LRRC27: variants seen among roughly 807,000 people sequenced by gnomAD.
LRRC27 encodes leucine-rich repeat-containing protein 27.
A neutral mutation model predicts 55.0 loss-of-function variants in LRRC27; 57 were observed. The ratio of observed to expected loss-of-function variants is 1.04; its 90% CI spans 0.84 to 1.29. The LOEUF (loss-of-function observed/expected upper bound fraction) is 1.29. Among genes scored for constraint, LRRC27 ranks in the 50% most tolerant of loss-of-function variants. The pLI is 0.00. For synonymous variants in LRRC27, 278 were observed against 251.9 expected, an observed-to-expected ratio of 1.10 and a Z score of -0.98; for missense variants, 721 against 651.5, an observed-to-expected ratio of 1.11 and a Z score of -1.16.
rs1412842676 is a variant in LRRC27, at chr10:132,333,666, C to A, written c.142C>A (p.Pro48Thr). ...GVGGIIFSSS[P>T]ILDLSESGLC... Reference sequence around the variant, plus strand: ...TGGAGGCATCATCTTTTCCTCCTCACCGATTTTAGACTTGAGTGAAAGTGG... The same window carrying A: ...TGGAGGCATCATCTTTTCCTCCTCAACGATTTTAGACTTGAGTGAAAGTGG... The change falls in exon 2 of 11, where the codon CCG (proline) becomes ACG (threonine). Residue 48 changes from proline to threonine, a missense_variant. Physicochemically the swap from Pro to Thr is conservative, Grantham distance 38. Coordinates refer to ENST00000368614, the MANE Select transcript of LRRC27 (RefSeq NM_030626.3). The A allele has an allele frequency of 6.2e-7, 1 of 1,613,768 alleles. No homozygotes were observed. The highest frequency in any genetic ancestry group is 2.2e-5 in the East Asian group (1 of 44,886).
chr10:132,338,056 G>A (rs980060509), intron 3 of LRRC27, among the ~76,000 whole-genome samples: 5 of 152,108 alleles, frequency 3.3e-5, no homozygotes, highest in Admixed American at 1.3e-4. Flanking sequence ...TGGCTCACGC[G>A]TGTAATCCCA....
chr10:132,362,133 A>G (rs1038834753), intron 9 of LRRC27, among the ~76,000 whole-genome samples: 1 of 152,212 alleles, frequency 6.6e-6, no homozygotes, highest in Admixed American at 6.5e-5. Context: ...GGAAACAGCC[A>G]GAACCGAGAA....
intron 9 of LRRC27, among the ~76,000 whole-genome samples, chr10:132,364,656 ACATCTACCTGCACACCCACGC>A: frequency 1.2e-5 from 1 of 81,182 alleles, no homozygotes; most frequent in Non-Finnish European, 2.4e-5. Flanking sequence ...ACCCACACTT[ACATCTACCTGCACACCCACGC>A]TTACACCCAC....
At position 132,348,281 on chromosome 10, in the gene LRRC27, C is replaced by G. The variant is rs112727561; in HGVS notation, c.851C>G (p.Thr284Arg). 6.2e-7 allele frequency: 1 copy of G among 1,613,974 alleles called. No homozygotes were observed. The highest frequency in any genetic ancestry group is 1.3e-5 in the African/African-American group (1 of 75,020). ...GACGTTCTGGGAGATCAGCTCTTGACGAGGGAATTACCTCCAAATCTCAAG... is the reference window on the plus strand; with the variant it reads ...GACGTTCTGGGAGATCAGCTCTTGAGGAGGGAATTACCTCCAAATCTCAAG... ...KADVLGDQLLTRELPPNLKAA... is the reference protein window; with the variant it reads ...KADVLGDQLLRRELPPNLKAA... Residue 284 changes from threonine to arginine, a missense_variant, in exon 6 of 11, where the codon ACG (threonine) becomes AGG (arginine). By Grantham distance (71) the Thr-to-Arg change is moderately conservative (BLOSUM62 -1). Transcript: ENST00000368614. The surrounding 1 kb of genome is among the most constrained non-coding windows in gnomAD (Gnocchi z 4.2).
chr10:132,333,286 G>A (rs1400229441), intron 1 of LRRC27, among the ~76,000 whole-genome samples, 191 bp from the exon 2 acceptor site: 1 of 150,026 alleles, frequency 6.7e-6, no homozygotes, highest in African/African-American at 2.5e-5. Flanking sequence ...TGAGAGCAGA[G>A]AATTTTAATC....
At position 132,348,511 on chromosome 10, in the gene LRRC27, AC is replaced by A. The variant is rs1238047999; in HGVS notation, c.926+156del. 7.9e-5 allele frequency among the ~76,000 whole-genome samples: 12 copies of A among 152,294 alleles called. No individual in the cohort carries two copies. The highest frequency in any genetic ancestry group is 2.2e-4 in the African/African-American group (9 of 41,570). ...GAGTGCCGGTCCCAGGTTTAGGGTA[AC>A]GGGGACCCGCATCAAGCCCGGAGCA... On this transcript the variant is annotated intron_variant, in intron 6 of 10. Coordinates refer to ENST00000368614, the MANE Select transcript of LRRC27 (RefSeq NM_030626.3). This position sits in a 1 kb window ranked among gnomAD's most constrained non-coding sequence, Gnocchi z 4.2.
At chr10:132,353,109 AC>A (rs2068143079) in intron 7 of LRRC27, 9 of 1,480,730 alleles carry the variant, frequency 6.1e-6, no homozygotes, top group Non-Finnish European at 8.1e-6. Flanking sequence ...CAGCCACAGC[AC>A]CCCCGTGCCC....
At chr10:132,331,916 A>AC (rs56274613), upstream of LRRC27, 1,908 of 617,690 alleles carry the variant, frequency 3.1e-3, 23 homozygotes, top group East Asian at 0.024. Flanking sequence ...GCGCACCACA[A>AC]CCCCCCCACC....
intron 9 of LRRC27, among the ~76,000 whole-genome samples, chr10:132,364,451 ACACT>A: frequency 8.6e-6 from 1 of 115,704 alleles, no homozygotes; most frequent in South Asian, 2.5e-4. Flanking sequence ...CTCCACACCC[ACACT>A]CACACCCACC....
In LRRC27 at chr10:132,344,415, G is replaced by T. The variant is rs1235963371; in HGVS notation, c.401-83G>T. The T allele has an allele frequency of 2.9e-6, 4 of 1,379,664 alleles. No homozygotes were observed. In the African/African-American group the frequency reaches 5.8e-5, roughly 20 times the overall value. The allele number at this position is 1,379,664 out of a possible 1,614,324, so 85.5% of individuals were successfully genotyped here. ...TGAATAGAATCATATTTTAAAATGT[G>T]AAAAGTTACTATTATTTATTCCTCA... On this transcript the variant is annotated intron_variant, in intron 4 of 10. Coordinates refer to ENST00000368614, the MANE Select transcript of LRRC27 (RefSeq NM_030626.3).
At chr10:132,337,962 C>A (rs1206586857) in intron 3 of LRRC27, among the ~76,000 whole-genome samples, 1 of 152,182 alleles carries the variant, frequency 6.6e-6, no homozygotes, top group African/African-American at 2.4e-5. Flanking sequence ...CAGCCGATTC[C>A]AGCTCTGACT....
Position 132,337,744 on chromosome 10 carries a change from G to A in LRRC27, c.341+49G>A, listed in dbSNP as rs761456661. On this transcript the variant is annotated intron_variant, in intron 3 of 10. Transcript: ENST00000368614. ...TTTAAAAATCATCTTTTCAGTGCAC[G>A]AGTGCCTGTTCTTTCGCTCCTTGTC... The A allele has an allele frequency of 3.3e-5, 52 of 1,598,064 alleles. 1 individual carries two copies. In the East Asian group the frequency reaches 8.3e-4, roughly 25 times the overall value.
At chr10:132,364,720 CCGCGT>C (rs2068940206) in intron 9 of LRRC27, among the ~76,000 whole-genome samples, 1 of 3,326 alleles carries the variant, frequency 3.0e-4, no homozygotes, top group African/African-American at 6.0e-4. Context: ...CTCATGCAGT[CCGCGT>C]CCACACTTAC....
chr10:132,353,912 AG>A (rs1378860716), intron 7 of LRRC27, among the ~76,000 whole-genome samples: 2 of 152,216 alleles, frequency 1.3e-5, no homozygotes, highest in East Asian at 3.9e-4. Flanking sequence ...TCCCTGCTGC[AG>A]GTGGGTCCCA....
At chr10:132,331,938 C>CCA, upstream of LRRC27, 3 of 511,244 alleles carry the variant, frequency 5.9e-6, no homozygotes, top group Non-Finnish European at 6.2e-6. Flanking sequence ...CAAGCGCAAC[C>CCA]CCCCGCCCCA....
At chr10:132,337,421 G>A (rs2138620683) in intron 2 of LRRC27, 144 bp from the exon 3 acceptor site, 2 of 1,432,310 alleles carry the variant, frequency 1.4e-6, no homozygotes, top group Non-Finnish European at 1.8e-6. Context: ...ATCTTTTAAG[G>A]GTAAGAGATT....
At chr10:132,330,285 C>G, upstream of LRRC27, 1 of 603,138 alleles carries the variant, frequency 1.7e-6, no homozygotes, top group East Asian at 2.8e-5. Flanking sequence ...AGGGAATACG[C>G]TCAAATGGTT....
rs964238257 is a variant in LRRC27 at position 132,374,643 on chromosome 10, G to A, written c.1417-423G>A. On this transcript the variant is annotated intron_variant, in intron 10 of 10. Transcript: ENST00000368614. This position sits in a 1 kb window ranked among gnomAD's most constrained non-coding sequence, Gnocchi z 4.4. ...CCCATCTGCTTCCCAGGACAGTTAC[G>A]GCTCTAAGGTGTGGTCTTGGCTGTG... Among the ~76,000 whole-genome samples the A allele has an allele frequency of 5.9e-5, 9 of 152,190 alleles. No homozygotes were observed. Among genetic ancestry groups the A allele is most frequent in the Admixed American group, 3.3e-4 (5 of 15,286 alleles).
chr10:132,371,953 C>G (rs116670005), intron 10 of LRRC27, among the ~76,000 whole-genome samples: 2,486 of 152,330 alleles, frequency 0.016, 72 homozygotes, highest in African/African-American at 0.056. Flanking sequence ...CCCTTGTCCT[C>G]GCACATATGG....
Sources: allele counts gnomAD v4.1 joint callset (sites outside exome capture counted in the v4.1 genomes callset), GRCh38; gene constraint gnomAD v4.1.1; non-coding constraint Gnocchi (gnomAD v3.1); transcripts MANE v1.5; gene names NCBI Gene and HGNC (gene_info 2026-07-23, HGNC 2026-07-21).